The following PARVB variants were observed in gnomAD, a reference collection of about 807,000 sequenced individuals.
PARVB encodes the protein beta-parvin.
PARVB carries 46 observed loss-of-function variants against 47.0 expected under a neutral mutation model. The observed-to-expected ratio is 0.98, with a 90% CI of 0.77 to 1.25. The LOEUF is 1.25. Among genes scored for constraint, PARVB ranks in the 50% most tolerant of loss-of-function variants. The pLI, the probability that PARVB is intolerant of heterozygous loss-of-function variation, is 0.00. For synonymous variants in PARVB, 196 were observed against 196.3 expected (o/e 1.00, Z 0.01); for missense variants, 473 against 471.6 (o/e 1.00, Z -0.03).
chr22:44,034,334 GTTTGAGATGGGGGTCTTTATACATATATA>G (rs1569064869), intron 1 of PARVB, among the ~76,000 whole-genome samples: 45 of 85,886 alleles, frequency 5.2e-4, no homozygotes, highest in South Asian at 1.6e-3. Flanking sequence ...ACATATATAT[GTTTGAGATGGGGGTCTTTATACATATATA>G]TTTGAGATGG....
At chr22:44,157,147 C>T (rs2053953055) in intron 10 of PARVB, among the ~76,000 whole-genome samples, 1 of 152,324 alleles carries the variant, frequency 6.6e-6, no homozygotes, top group Non-Finnish European at 1.5e-5. Flanking sequence ...CAGAGGCCCC[C>T]TGGAGAATGG....
chr22:44,026,758 T>C (rs11914048), intron 1 of PARVB, among the ~76,000 whole-genome samples: 28,454 of 149,954 alleles, frequency 0.19, 2,709 homozygotes, highest in Admixed American at 0.23. Flanking sequence ...CCTCCTTTGT[T>C]AGAAAGTTGA....
upstream of PARVB, among the ~76,000 whole-genome samples, chr22:44,023,527 T>TAAAAC (rs1017139457): frequency 0.021 from 1,921 of 93,178 alleles, 34 homozygotes; most frequent in Middle Eastern, 0.049. Flanking sequence ...TAAAATAAAA[T>TAAAAC]AAAACAAAAC....
At chr22:44,143,770 G>A (rs1432224055) in intron 8 of PARVB, 6 of 152,550 alleles carry the variant, frequency 3.9e-5, no homozygotes, top group South Asian at 2.1e-4. Flanking sequence ...TGGTCTCCAT[G>A]GCAATGGGTG....
chr22:43,999,972 A>G (rs1389651223), intron 2 of PARVB, among the ~76,000 whole-genome samples: 1 of 151,356 alleles, frequency 6.6e-6, no homozygotes, highest in East Asian at 1.9e-4. Flanking sequence ...GCACCACTGC[A>G]CTCCAGCTGG....
chr22:44,167,076 C>T (rs577922958), intron 12 of PARVB, among the ~76,000 whole-genome samples: 4 of 152,306 alleles, frequency 2.6e-5, no homozygotes, highest in African/African-American at 9.6e-5. Context: ...GTCTGAAGAG[C>T]CAGGCCTGCA....
chr22:44,020,134 G>T (rs945045540), upstream of PARVB, among the ~76,000 whole-genome samples: 2 of 151,162 alleles, frequency 1.3e-5, no homozygotes, highest in Non-Finnish European at 2.9e-5. Flanking sequence ...GACAGCACAA[G>T]ATCCCACAGG....
rs1156284870 is a variant in PARVB at position 44,136,340 on chromosome 22, CCTT to C, written c.634-117_634-115del. 42 of 876,656 alleles carry C rather than the reference CCTT, an allele frequency of 4.8e-5. No individual in the cohort carries two copies. The Middle Eastern group carries it at 6.5e-4, about 14-fold the overall frequency. The allele number at this position is 876,656 out of a possible 1,614,324, so 54.3% of individuals were successfully genotyped here. ...GGCATGCGTGTTCAACACCACCCCT[CCTT>C]CTCCTGTTGCTCTTTTCTAAGATGA... is the stretch of plus-strand genomic sequence containing the variant. On this transcript the variant is annotated intron_variant, in intron 6 of 12. Transcript: ENST00000338758.
intron 12 of PARVB, chr22:44,168,369 C>T: frequency 2.0e-6 from 1 of 507,514 alleles, no homozygotes; most frequent in Non-Finnish European, 3.6e-6. Flanking sequence ...CTTGTCACCC[C>T]AGGTGCCTGT....
chr22:43,999,571 T>G, exon 2 of PARVB: 7 of 1,611,854 alleles, frequency 4.3e-6, no homozygotes, highest in Non-Finnish European at 5.9e-6. Flanking sequence ...TTCCTGCAGC[T>G]GGGGCCTGTG....
At chr22:44,067,851 G>A (rs1322841446) in intron 1 of PARVB, among the ~76,000 whole-genome samples, 1 of 152,226 alleles carries the variant, frequency 6.6e-6, no homozygotes, top group Non-Finnish European at 1.5e-5. Flanking sequence ...GTGTCTTTTT[G>A]TTGCTTCCTC....
At chr22:44,067,982 C>T (rs893533796) in intron 1 of PARVB, among the ~76,000 whole-genome samples, 6 of 152,120 alleles carry the variant, frequency 3.9e-5, no homozygotes, top group African/African-American at 1.4e-4. Flanking sequence ...GGGAGAGGGG[C>T]ACTAGTGCCC....
At chr22:44,079,577 C>T (rs532971689) in intron 1 of PARVB, among the ~76,000 whole-genome samples, 1 of 152,364 alleles carries the variant, frequency 6.6e-6, no homozygotes, top group Non-Finnish European at 1.5e-5. Context: ...CCAGCGGCTG[C>T]TGTGCTAAGC....
At chr22:44,013,793 C>T (rs957104155) in intron 2 of PARVB, among the ~76,000 whole-genome samples, 15 of 152,220 alleles carry the variant, frequency 9.9e-5, no homozygotes, top group African/African-American at 3.4e-4. Flanking sequence ...CCACCATGCT[C>T]AGCTAATTTT....
chr22:44,151,300 GCCA>G, intron 9 of PARVB, 180 bp from the exon 10 acceptor site: 1 of 567,294 alleles, frequency 1.8e-6, no homozygotes, highest in Non-Finnish European at 3.2e-6. Flanking sequence ...TGGGCATTAT[GCCA>G]TGAAAACTAG....
Position 44,151,627 on chromosome 22 carries a change from C to T in PARVB, c.843+76C>T, listed in dbSNP as rs116962707. ...CAGTGTTTTGATCCCAGGTGGGGCGCGTGAACAAAGCTGGCGCCATTTTGT... is the reference window on the plus strand; with the variant it reads ...CAGTGTTTTGATCCCAGGTGGGGCGTGTGAACAAAGCTGGCGCCATTTTGT... On this transcript the variant is annotated intron_variant, in intron 10 of 12. Coordinates refer to ENST00000338758, the MANE Select transcript of PARVB (RefSeq NM_013327.5). 627 of 1,173,598 alleles carry T rather than the reference C, an allele frequency of 5.3e-4. 6 individuals carry two copies. The East Asian group carries it at 0.014, about 26-fold the overall frequency. 72.7% of individuals were successfully genotyped at this position (1,173,598 alleles called of 1,614,324 possible). A position where few individuals can be genotyped will look rare whatever the true frequency, so the allele number is the denominator to read the frequency against.
chr22:44,048,025 C>T (rs2051144199), intron 1 of PARVB, among the ~76,000 whole-genome samples: 1 of 152,174 alleles, frequency 6.6e-6, no homozygotes, highest in Non-Finnish European at 1.5e-5. Flanking sequence ...TGTGCTTGGC[C>T]ATTCCCCACA....
intron 2 of PARVB, among the ~76,000 whole-genome samples, chr22:44,098,156 G>A (rs2052353074): frequency 6.6e-6 from 1 of 152,192 alleles, no homozygotes; most frequent in African/African-American, 2.4e-5. Context: ...TGAAGGGGAT[G>A]TTTCCAGAAA....
chr22:44,029,267 G>A (rs2050782961), intron 1 of PARVB, among the ~76,000 whole-genome samples: 1 of 152,188 alleles, frequency 6.6e-6, no homozygotes, highest in Non-Finnish European at 1.5e-5. Context: ...TTACATGCGT[G>A]AGCCACAGTG....
Sources: allele counts gnomAD v4.1 joint callset (sites outside exome capture counted in the v4.1 genomes callset), GRCh38; gene constraint gnomAD v4.1.1; transcripts MANE v1.5; gene names NCBI Gene and HGNC (gene_info 2026-07-23, HGNC 2026-07-21).